MACF1: variants seen among roughly 807,000 people sequenced by gnomAD.
MACF1 encodes microtubule-actin cross-linking factor 1.
Under a neutral mutation model 854.8 loss-of-function variants are expected in MACF1, and 193 were observed. That is an observed-to-expected ratio of 0.23 (90% CI 0.20 to 0.25). The LOEUF is 0.25. Ranked by LOEUF, MACF1 falls within the 10% of genes least tolerant of loss-of-function variation. MACF1 has a pLI of 1.00. For synonymous variants in MACF1, 3,185 were observed against 3,226.7 expected, an observed-to-expected ratio of 0.99 and a Z score of 0.44; for missense variants, 7,722 against 8,929.1, an observed-to-expected ratio of 0.86 and a Z score of 5.45.
intron 6 of MACF1, among the ~76,000 whole-genome samples, chr1:39,271,010 G>C (rs891396399): frequency 2.0e-5 from 3 of 152,190 alleles, no homozygotes; most frequent in African/African-American, 7.2e-5. Context: ...GGATGGGCAA[G>C]AGGTTTCTTG....
At chr1:39,326,314 A>G (rs912895311) in intron 35 of MACF1, among the ~76,000 whole-genome samples, 2 of 152,206 alleles carry the variant, frequency 1.3e-5, no homozygotes, top group Admixed American at 6.5e-5. Flanking sequence ...TTGGGAAGAA[A>G]GGGAAAGGAA....
chr1:39,219,842 C>T (rs1478267235), intron 1 of MACF1, among the ~76,000 whole-genome samples: 1 of 152,128 alleles, frequency 6.6e-6, no homozygotes, highest in African/African-American at 2.4e-5. Context: ...CCTCTGCCGC[C>T]CGGGTCCAAG....
rs1327030951 is a variant in MACF1, at chr1:39,226,554, T to G, written c.110-4628T>G. 4.6e-5 allele frequency among the ~76,000 whole-genome samples: 7 copies of G among 152,230 alleles called. No homozygotes were observed. In the East Asian group the frequency reaches 1.4e-3, roughly 29 times the overall value. On this transcript the variant is annotated intron_variant, in intron 1 of 100. Coordinates refer to ENST00000564288, the MANE Select transcript of MACF1 (RefSeq NM_001394062.1). ...CGGGGTTTTACTATGTTGGTCAGGC[T>G]GGTCTCGAACGCCTGACCTCGTGAT...
At chr1:39,384,693 C>G (rs1482172651) in intron 56 of MACF1, among the ~76,000 whole-genome samples, 1 of 152,186 alleles carries the variant, frequency 6.6e-6, no homozygotes. Context: ...TCTTCGAATT[C>G]TAAGAAAGAA....
intron 15 of MACF1, among the ~76,000 whole-genome samples, chr1:39,291,306 CT>C (rs199810040): frequency 0.014 from 2,063 of 152,288 alleles, 19 homozygotes; most frequent in Admixed American, 0.021. Context: ...AGCAAGGCTA[CT>C]GTATTCCGCA....
intron 2 of MACF1, among the ~76,000 whole-genome samples, chr1:39,142,398 G>C (rs1320809250): frequency 6.6e-6 from 1 of 152,118 alleles, no homozygotes; most frequent in Non-Finnish European, 1.5e-5. Flanking sequence ...TTTGGGCCCA[G>C]GAACAAGATG....
chr1:39,264,365 C>T (rs1645205346), intron 6 of MACF1, among the ~76,000 whole-genome samples: 2 of 152,176 alleles, frequency 1.3e-5, no homozygotes, highest in African/African-American at 4.8e-5. Context: ...TACTATTTGA[C>T]ATATTACATG....
At chr1:39,272,407 G>C (rs1244096737) in intron 6 of MACF1, among the ~76,000 whole-genome samples, 1 of 152,216 alleles carries the variant, frequency 6.6e-6, no homozygotes. Context: ...CTGCTAAAGT[G>C]GGAAAGCTGG....
rs915698823 is a variant in MACF1 at position 39,310,133 on chromosome 1, C to T, written c.2917-112C>T. On this transcript the variant is annotated intron_variant, in intron 24 of 100. Transcript: ENST00000564288. ...CAAATTATAAAAATCAACATGTTTA[C>T]GATTATGGTTTATGCACTGTTTTGT... is the stretch of plus-strand genomic sequence containing the variant. The T allele has an allele frequency of 5.9e-6, 5 of 842,934 alleles. No homozygotes were observed. The African/African-American group carries it at 6.9e-5, about 12-fold the overall frequency. 52.2% of individuals were successfully genotyped at this position (842,934 alleles called of 1,614,324 possible). A position where few individuals can be genotyped will look rare whatever the true frequency, so the allele number is the denominator to read the frequency against.
intron 35 of MACF1, among the ~76,000 whole-genome samples, chr1:39,325,298 G>A (rs1389798020): frequency 6.6e-6 from 1 of 152,166 alleles, no homozygotes; most frequent in Admixed American, 6.5e-5. Context: ...AAGGAGAGAA[G>A]TTCAGAAGTC....
intron 58 of MACF1, among the ~76,000 whole-genome samples, chr1:39,404,314 T>C (rs1642605743): frequency 6.6e-6 from 1 of 150,720 alleles, no homozygotes. Context: ...CTACTAAAAA[T>C]ACAAAAATTA....
chr1:39,128,709 A>G (rs541779191), intron 2 of MACF1, among the ~76,000 whole-genome samples: 1 of 152,232 alleles, frequency 6.6e-6, no homozygotes, highest in East Asian at 1.9e-4. Flanking sequence ...AAAAAAAAAA[A>G]AAGATTTCTG....
intron 6 of MACF1, among the ~76,000 whole-genome samples, chr1:39,262,743 C>T (rs1571233930): frequency 1.3e-5 from 2 of 152,184 alleles, no homozygotes; most frequent in Non-Finnish European, 1.5e-5. Context: ...ATATTGGCTG[C>T]CTGCTTTTCT....
At chr1:39,307,922 T>TTTTTTTTTTTG (rs59109449) in intron 23 of MACF1, among the ~76,000 whole-genome samples, 1 of 90,442 alleles carries the variant, frequency 1.1e-5, no homozygotes, top group African/African-American at 3.9e-5. Context: ...TTTTTTTTTT[T>TTTTTTTTTTTG]GAGATGGAGT....
intron 44 of MACF1, 105 bp downstream of exon 44, chr1:39,353,336 G>A (rs1478097210): frequency 2.5e-6 from 2 of 793,300 alleles, no homozygotes; most frequent in Admixed American, 2.9e-5. Context: ...TTCTCAGTTT[G>A]TATCTTCTTT....
chr1:39,368,744 G>C (rs539365108), intron 50 of MACF1, among the ~76,000 whole-genome samples: 4 of 151,852 alleles, frequency 2.6e-5, no homozygotes, highest in Non-Finnish European at 4.4e-5. Context: ...TCAGGTGATC[G>C]ACCTGCCTCC....
intron 66 of MACF1, among the ~76,000 whole-genome samples, chr1:39,432,021 T>C (rs1643883586): frequency 6.6e-6 from 1 of 152,118 alleles, no homozygotes; most frequent in Non-Finnish European, 1.5e-5. Context: ...CTCATGAAAC[T>C]AACAGTCACG....
At chr1:39,347,679 A>G (rs918335406) in intron 41 of MACF1, among the ~76,000 whole-genome samples, 2 of 152,192 alleles carry the variant, frequency 1.3e-5, no homozygotes, top group Non-Finnish European at 2.9e-5. Flanking sequence ...AGGTTCCTTG[A>G]CAATCCTTAA....
intron 20 of MACF1, among the ~76,000 whole-genome samples, chr1:39,296,440 G>A (rs1645901745): frequency 1.3e-5 from 2 of 151,846 alleles, no homozygotes; most frequent in Admixed American, 1.3e-4. Context: ...ATGAAAGAGT[G>A]TACTGCTGGC....
Sources: gnomAD v4.1 joint callset for allele counts (sites outside exome capture counted in the v4.1 genomes callset) on GRCh38, gnomAD v4.1.1 for gene constraint, MANE v1.5 for transcripts, NCBI Gene and HGNC (gene_info 2026-07-23, HGNC 2026-07-21) for gene names.